Variants in CHL1 observed in about 807,000 individuals in gnomAD.
CHL1 encodes cell adhesion molecule L1 like, also known as neural cell adhesion molecule L1-like protein.
A neutral mutation model predicts 141.9 loss-of-function variants in CHL1; 96 were observed. The ratio of observed to expected loss-of-function variants is 0.68; its 90% confidence interval spans 0.57 to 0.80. CHL1 has a LOEUF of 0.80. Ranked by LOEUF, CHL1 falls within the 30% of genes least tolerant of loss-of-function variation. CHL1 has a pLI of 0.00. For missense variants in CHL1, 1,820 were observed against 1,457.2 expected, an observed-to-expected ratio of 1.25 and a Z score of -4.05; for synonymous variants, 613 against 502.2, an observed-to-expected ratio of 1.22 and a Z score of -2.95.
chr3:258,029 G>C (rs1694342312), intron 2 of CHL1, among the ~76,000 whole-genome samples: 1 of 152,142 alleles, frequency 6.6e-6, no homozygotes, highest in African/African-American at 2.4e-5. Context: ...CATAACTGTG[G>C]GACCACATGG....
intron 2 of CHL1, among the ~76,000 whole-genome samples, chr3:290,892 T>C (rs1473758036): frequency 6.7e-6 from 1 of 148,646 alleles, no homozygotes; most frequent in Non-Finnish European, 1.5e-5. Flanking sequence ...GCAGAGAATG[T>C]ACCACTGCAC....
chr3:382,727 G>T, intron 18 of CHL1, 56 bp downstream of exon 18: 1 of 1,443,078 alleles, frequency 6.9e-7, no homozygotes, highest in South Asian at 1.2e-5. Context: ...CCCCATCTTT[G>T]AACATCTAAA....
At chr3:381,413 C>T (rs1707023721) in intron 16 of CHL1, among the ~76,000 whole-genome samples, 1 of 152,144 alleles carries the variant, frequency 6.6e-6, no homozygotes, top group African/African-American at 2.4e-5. Context: ...TGCAGGGCAC[C>T]AAACAAGAAC....
At chr3:390,649 A>T in intron 20 of CHL1, 52 bp from the exon 21 acceptor site, 1 of 1,079,922 alleles carries the variant, frequency 9.3e-7, no homozygotes. Flanking sequence ...AAGGATCCTA[A>T]CAATCACATT....
At chr3:390,899 C>CA (rs1381498033) in intron 21 of CHL1, 56 bp from the exon 22 acceptor site, 2 of 1,541,688 alleles carry the variant, frequency 1.3e-6, no homozygotes, top group Non-Finnish European at 1.8e-6. Context: ...CAGAAGAAGT[C>CA]AAAGAGAATC....
At chr3:360,100 C>T (rs1042978761) in intron 11 of CHL1, among the ~76,000 whole-genome samples, 184 bp from the exon 12 acceptor site, 1 of 152,172 alleles carries the variant, frequency 6.6e-6, no homozygotes, top group African/African-American at 2.4e-5. Context: ...TGAAAATTCA[C>T]ATGGATCTGG....
intron 1 of CHL1, among the ~76,000 whole-genome samples, chr3:228,958 T>C (rs903782327): frequency 6.6e-6 from 1 of 152,200 alleles, no homozygotes; most frequent in Non-Finnish European, 1.5e-5. Flanking sequence ...CTTTAGATTC[T>C]CATGGGATCT....
intron 24 of CHL1, among the ~76,000 whole-genome samples, chr3:396,101 T>A (rs1708644438): frequency 1.3e-5 from 2 of 152,174 alleles, no homozygotes; most frequent in South Asian, 2.1e-4. Context: ...AATTGTATAA[T>A]CCAAATAATT....
intron 2 of CHL1, among the ~76,000 whole-genome samples, chr3:257,791 T>C (rs1276469433): frequency 6.6e-6 from 1 of 152,206 alleles, no homozygotes; most frequent in East Asian, 1.9e-4. Flanking sequence ...GTGGAGAACA[T>C]ATTAAGATAT....
At chr3:349,631 T>A in intron 10 of CHL1, 88 bp downstream of exon 10, 1 of 1,112,744 alleles carries the variant, frequency 9.0e-7, no homozygotes, top group Non-Finnish European at 1.3e-6. Flanking sequence ...TCATACATGT[T>A]AAAACAGGTC....
chr3:235,153 C>G (rs187289253), intron 1 of CHL1, among the ~76,000 whole-genome samples: 26 of 152,154 alleles, frequency 1.7e-4, no homozygotes, highest in African/African-American at 3.6e-4. Context: ...TCCCTCCCCC[C>G]TCTTTCTAAA....
chr3:363,115 C>T, intron 13 of CHL1, 102 bp from the exon 14 acceptor site: 1 of 896,286 alleles, frequency 1.1e-6, no homozygotes, highest in African/African-American at 1.7e-5. Context: ...GTTTTCTGAG[C>T]TATTGAAAGG....
At chr3:357,759 A>C (rs1703846108) in intron 11 of CHL1, among the ~76,000 whole-genome samples, 1 of 152,224 alleles carries the variant, frequency 6.6e-6, no homozygotes, top group African/African-American at 2.4e-5. Context: ...GATTTAAGCA[A>C]TGTTTAATTA....
At chr3:236,387 G>A (rs1251127065) in intron 1 of CHL1, among the ~76,000 whole-genome samples, 1 of 152,072 alleles carries the variant, frequency 6.6e-6, no homozygotes, top group African/African-American at 2.4e-5. Flanking sequence ...TCAGCCCCAG[G>A]TCCTTCTAGG....
In CHL1 at chr3:405,647, C is replaced by G. The variant is rs373880367; in HGVS notation, c.3611C>G (p.Ser1204Cys). The G allele has an allele frequency of 1.2e-6, 2 of 1,613,436 alleles. No individual in the cohort carries two copies. Among genetic ancestry groups the G allele is most frequent in the Non-Finnish European group, 1.7e-6 (2 of 1,179,614 alleles). The stretch of plus-strand genomic sequence containing the variant: ...TCATTTATTGGTGCCTACGCTGGAT[C>G]TAAGGAGAAGGGATCTGTTGAAAGC... ...DGSFIGAYAG[S>C]KEKGSVESNG... is the part of the protein sequence containing the mutation. The change falls in exon 28 of 28, where the codon TCT becomes TGT. Residue 1204 changes from serine to cysteine, a missense_variant. By Grantham distance (112) the Ser-to-Cys change is moderately radical (BLOSUM62 -1). Coordinates refer to ENST00000256509, the MANE Select transcript of CHL1 (RefSeq NM_006614.4).
At chr3:232,204 A>C (rs1427181362) in intron 1 of CHL1, among the ~76,000 whole-genome samples, 2 of 152,154 alleles carry the variant, frequency 1.3e-5, no homozygotes, top group Non-Finnish European at 2.9e-5. Context: ...CATTCTGTGT[A>C]TTGGCATGTC....
chr3:271,955 A>G (rs1163476354), intron 2 of CHL1, among the ~76,000 whole-genome samples: 1 of 152,358 alleles, frequency 6.6e-6, no homozygotes, highest in East Asian at 1.9e-4. Context: ...TAAAAATCAC[A>G]TTGTGATAAA....
chr3:401,568 T>A, intron 26 of CHL1, 58 bp from the exon 27 acceptor site: 1 of 1,000,062 alleles, frequency 1.0e-6, no homozygotes, highest in Non-Finnish European at 1.6e-6. Context: ...ACAGCACTGG[T>A]AAAATGTCTT....
intron 10 of CHL1, among the ~76,000 whole-genome samples, chr3:351,604 G>T (rs1296000801): frequency 6.6e-6 from 1 of 151,912 alleles, no homozygotes; most frequent in Non-Finnish European, 1.5e-5. Context: ...ATAAGGATTT[G>T]CCATGTGAGA....
Sources: gnomAD v4.1 joint callset for allele counts (sites outside exome capture counted in the v4.1 genomes callset) on GRCh38, gnomAD v4.1.1 for gene constraint, MANE v1.5 for transcripts, NCBI Gene and HGNC (gene_info 2026-07-23, HGNC 2026-07-21) for gene names.